The following FREM3 variants were observed in gnomAD, a reference collection of about 807,000 sequenced individuals.
The protein encoded by FREM3 is FRAS1-related extracellular matrix protein 3.
Under a neutral mutation model 129.1 loss-of-function variants are expected in FREM3, and 105 were observed. That is an observed-to-expected ratio of 0.81 (90% CI 0.69 to 0.96). The LOEUF (loss-of-function observed/expected upper bound fraction) is 0.96, where lower values mean the gene tolerates loss of function less well. FREM3 is among the 40% of genes least tolerant of loss of function. The probability of loss-of-function intolerance (pLI) is 0.00; values close to 1 mark genes in which losing one functional copy is unlikely to be tolerated. For missense variants in FREM3, 2,593 were observed against 2,666.3 expected (o/e 0.97, Z 0.61); for synonymous variants, 1,014 against 1,044.9 (o/e 0.97, Z 0.57).
intron 3 of FREM3, among the ~76,000 whole-genome samples, chr4:143,625,537 A>C (rs1275241818): frequency 6.6e-6 from 1 of 152,182 alleles, no homozygotes; most frequent in Non-Finnish European, 1.5e-5. Flanking sequence ...TTGGTGACTG[A>C]GATTGAATGT....
At chr4:143,612,636 AT>A (rs1738780453) in intron 5 of FREM3, among the ~76,000 whole-genome samples, 1 of 152,080 alleles carries the variant, frequency 6.6e-6, no homozygotes, top group Non-Finnish European at 1.5e-5. Flanking sequence ...CAACCCAATA[AT>A]TTTTTTTCTA....
chr4:143,623,493 T>TCCCCCCCCC (rs35964270), intron 4 of FREM3, among the ~76,000 whole-genome samples: 1 of 68,522 alleles, frequency 1.5e-5, no homozygotes, highest in African/African-American at 4.3e-5. Context: ...TGAATACTAA[T>TCCCCCCCCC]CCCCCCCCCC....
At chr4:143,676,415 A>G (rs1053164443) in intron 2 of FREM3, among the ~76,000 whole-genome samples, 26 of 152,210 alleles carry the variant, frequency 1.7e-4, no homozygotes, top group Non-Finnish European at 3.1e-4. Context: ...GCTATTCATG[A>G]CAGACTCACA....
intron 6 of FREM3, among the ~76,000 whole-genome samples, chr4:143,605,670 ATTTACATTCCT>A (rs1433019827): frequency 6.6e-6 from 1 of 152,170 alleles, no homozygotes; most frequent in Non-Finnish European, 1.5e-5. Flanking sequence ...AAAGAAAGCC[ATTTACATTCCT>A]TATTCTCTTC....
rs1055908054 is a variant in FREM3, at chr4:143,675,384, T to C, written c.5275+17729A>G. ...CATACCAGAATCTCTGGGACACATT[T>C]AAAGCAGTGTGTAGAGGGAAATTTG... On this transcript the variant is annotated intron_variant, in intron 2 of 7. Transcript: ENST00000329798. Among the ~76,000 whole-genome samples, 222 of 152,064 alleles carry C rather than the reference T, an allele frequency of 1.5e-3. 1 individual carries two copies. Among genetic ancestry groups the C allele is most frequent in the Non-Finnish European group, 2.8e-3 (187 of 67,962 alleles).
intron 6 of FREM3, among the ~76,000 whole-genome samples, chr4:143,593,877 C>G (rs1738414764): frequency 6.6e-6 from 1 of 152,232 alleles, no homozygotes; most frequent in Non-Finnish European, 1.5e-5. Flanking sequence ...CTGTGGTGGG[C>G]TCTACCCAGT....
intron 2 of FREM3, among the ~76,000 whole-genome samples, chr4:143,671,847 A>C (rs535677417): frequency 2.6e-5 from 4 of 152,368 alleles, no homozygotes; most frequent in Admixed American, 2.6e-4. Context: ...AGTATGGGCA[A>C]GTCTACATCA....
Position 143,698,771 on chromosome 4 carries a change from T to C in FREM3, c.1905A>G (p.Glu635=). ...EDEDWHYMEK[E]GLYEKVVTEW... ...CAGTCACCACTTTCTCATAAAGCCC[T>C]TCCTTTTCCATGTAGTGCCAGTCTT... The change falls in exon 1 of 8, where the codon GAA becomes GAG. Residue 635 remains glutamate (E), a synonymous_variant. Coordinates refer to ENST00000329798, the MANE Select transcript of FREM3 (RefSeq NM_001168235.2). 1 of 1,537,586 alleles carries C rather than the reference T, an allele frequency of 6.5e-7. No individual in the cohort carries two copies. The highest frequency in any genetic ancestry group is 8.7e-7 in the Non-Finnish European group (1 of 1,146,992).
chr4:143,693,615 A>T (rs1173660665), intron 1 of FREM3, among the ~76,000 whole-genome samples: 1 of 152,258 alleles, frequency 6.6e-6, no homozygotes, highest in African/African-American at 2.4e-5. Flanking sequence ...CCCTCAAAAT[A>T]TAAATCATTC....
intron 6 of FREM3, among the ~76,000 whole-genome samples, chr4:143,599,484 A>T (rs1271490992): frequency 6.6e-6 from 1 of 152,254 alleles, no homozygotes; most frequent in East Asian, 1.9e-4. Flanking sequence ...TCTGGTCTTA[A>T]TGATTCTGTG....
At chr4:143,684,762 C>T (rs1740327439) in intron 2 of FREM3, among the ~76,000 whole-genome samples, 1 of 152,114 alleles carries the variant, frequency 6.6e-6, no homozygotes. Context: ...AAAAATGATA[C>T]AAGAAGTAAA....
intron 2 of FREM3, among the ~76,000 whole-genome samples, chr4:143,644,864 T>C (rs1157157846): frequency 6.6e-6 from 1 of 152,176 alleles, no homozygotes; most frequent in Non-Finnish European, 1.5e-5. Flanking sequence ...GCCTTTTGGT[T>C]TCCCAGGGAA....
intron 7 of FREM3, among the ~76,000 whole-genome samples, chr4:143,584,809 A>C (rs1234520273): frequency 6.6e-6 from 1 of 152,204 alleles, no homozygotes; most frequent in Non-Finnish European, 1.5e-5. Context: ...CTCTCCACCC[A>C]AAACCAACAG....
intron 2 of FREM3, among the ~76,000 whole-genome samples, chr4:143,647,940 G>A (rs185926416): frequency 4.1e-4 from 63 of 152,280 alleles, no homozygotes; most frequent in African/African-American, 1.5e-3. Flanking sequence ...AGCTTACACC[G>A]TGTGCCTGGA....
In FREM3 at chr4:143,696,527, G is replaced by T. The variant is rs1312333986; in HGVS notation, c.4149C>A (p.Gly1383=). ...GGCCTGTGTGGATATAGCAGATGAGGCCTCTGTTAATCTCATCCTGGGTAA... is the reference window on the plus strand; with the variant it reads ...GGCCTGTGTGGATATAGCAGATGAGTCCTCTGTTAATCTCATCCTGGGTAA... The part of the protein sequence containing the change: ...MNFTQDEINR[G]LICYIHTGQE... Residue 1383 remains glycine (G), a synonymous_variant, in exon 1 of 8, where the codon GGC becomes GGA. Coordinates refer to ENST00000329798, the MANE Select transcript of FREM3 (RefSeq NM_001168235.2). 1 of 1,537,208 alleles carries T rather than the reference G, an allele frequency of 6.5e-7. No homozygotes were observed. Among genetic ancestry groups the T allele is most frequent in the Non-Finnish European group, 8.7e-7 (1 of 1,146,860 alleles).
chr4:143,596,892 T>TGTAC lies in FREM3; in HGVS notation c.6029-10903_6029-10900dup, dbSNP rs566192092. On this transcript the variant is annotated intron_variant, in intron 6 of 7. Coordinates refer to ENST00000329798, the MANE Select transcript of FREM3 (RefSeq NM_001168235.2). ...GATTGTGGCTGCAGTGAGCCATGAT[T>TGTAC]GTACCATTGCACAGCAGTCTGAGGA... Among the ~76,000 whole-genome samples the TGTAC allele has an allele frequency of 8.3e-4, 126 of 152,236 alleles. 1 individual carries two copies. Among genetic ancestry groups the TGTAC allele is most frequent in the African/African-American group, 2.9e-3 (119 of 41,568 alleles).
At position 143,700,658 on chromosome 4, in the gene FREM3, C is replaced by A; in HGVS notation, c.18G>T (p.Arg6=). 1 of 1,428,436 alleles carries A rather than the reference C, an allele frequency of 7.0e-7. No individual in the cohort carries two copies. The highest frequency in any genetic ancestry group is 2.3e-4 in the Middle Eastern group (1 of 4,340). The allele number at this position is 1,428,436 out of a possible 1,614,324, so 88.5% of individuals were successfully genotyped here. A position where few individuals can be genotyped will look rare whatever the true frequency, so the allele number is the denominator to read the frequency against. ...GCTGCCGGGGCGTCCCAGTCGGGTGCCGAGAAGCCCCCGCCATGGCCACGG... is the reference window on the plus strand; with the variant it reads ...GCTGCCGGGGCGTCCCAGTCGGGTGACGAGAAGCCCCCGCCATGGCCACGG... The part of the protein sequence containing the change: MAGAS[R]HPTGTPRQLL... The change falls in exon 1 of 8, where the codon CGG becomes CGT. Residue 6 remains arginine, a synonymous_variant. Transcript: ENST00000329798.
rs530148409 is a variant in FREM3 at position 143,663,627 on chromosome 4, G to C, written c.5275+29486C>G. ...TCTGTATTTCCTGAATCTGAATGCT[G>C]GCCTGCCTTTCTAGATTGGGGAAGT... is the stretch of plus-strand genomic sequence containing the variant. On this transcript the variant is annotated intron_variant, in intron 2 of 7. Coordinates refer to ENST00000329798, the MANE Select transcript of FREM3 (RefSeq NM_001168235.2). Among the ~76,000 whole-genome samples, 220 of 152,098 alleles carry C rather than the reference G, an allele frequency of 1.4e-3. 2 individuals are homozygous for C. Among genetic ancestry groups the C allele is most frequent in the Non-Finnish European group, 2.3e-3 (155 of 67,972 alleles).
At chr4:143,586,280 T>C (rs1264413524) in intron 6 of FREM3, among the ~76,000 whole-genome samples, 1 of 152,218 alleles carries the variant, frequency 6.6e-6, no homozygotes, top group African/African-American at 2.4e-5. Flanking sequence ...GAAGAGATTT[T>C]CCTATTAGGG....
Sources: gnomAD v4.1 joint callset for allele counts (sites outside exome capture counted in the v4.1 genomes callset) on GRCh38, gnomAD v4.1.1 for gene constraint, MANE v1.5 for transcripts, NCBI Gene and HGNC (gene_info 2026-07-23, HGNC 2026-07-21) for gene names.